Variants in SDK1 observed in about 807,000 individuals in gnomAD.
SDK1 encodes protein sidekick-1.
A neutral mutation model predicts 245.5 loss-of-function variants in SDK1; 157 were observed. The observed-to-expected ratio is 0.64, with a 90% CI of 0.56 to 0.73. The LOEUF (loss-of-function observed/expected upper bound fraction) is 0.73, where lower values mean the gene tolerates loss of function less well. Ranked by LOEUF, SDK1 falls within the 30% of genes least tolerant of loss-of-function variation. The probability of loss-of-function intolerance (pLI) is 0.00; values close to 1 mark genes in which losing one functional copy is unlikely to be tolerated. For synonymous variants in SDK1, 1,647 were observed against 1,278.5 expected (o/e 1.29, Z -6.15); for missense variants, 3,583 against 3,002.3 (o/e 1.19, Z -4.52).
intron 4 of SDK1, among the ~76,000 whole-genome samples, chr7:3,773,064 A>C (rs980047145): frequency 6.6e-6 from 1 of 152,174 alleles, no homozygotes; most frequent in Non-Finnish European, 1.5e-5. Flanking sequence ...AACTTCTTAG[A>C]TGTTTGTATT....
chr7:3,621,623 G>A (rs1781941570), intron 2 of SDK1, among the ~76,000 whole-genome samples: 1 of 152,148 alleles, frequency 6.6e-6, no homozygotes, highest in Admixed American at 6.5e-5. Flanking sequence ...CCCAAGAACA[G>A]GCCTTTGTGT....
intron 1 of SDK1, among the ~76,000 whole-genome samples, chr7:3,607,347 A>G (rs772363832): frequency 3.9e-5 from 6 of 152,134 alleles, no homozygotes; most frequent in Non-Finnish European, 7.4e-5. Flanking sequence ...CTATCTCTCA[A>G]CCACATATGA....
intron 14 of SDK1, among the ~76,000 whole-genome samples, chr7:4,003,661 A>T (rs1450959836): frequency 2.6e-5 from 4 of 152,216 alleles, no homozygotes; most frequent in Non-Finnish European, 5.9e-5. Flanking sequence ...AACCCTGTCA[A>T]CGTGACTCAT....
At chr7:4,215,507 G>C (rs995752409) in intron 38 of SDK1, among the ~76,000 whole-genome samples, 2 of 152,200 alleles carry the variant, frequency 1.3e-5, no homozygotes, top group African/African-American at 4.8e-5. Context: ...ACACACCTGG[G>C]CTGGCCTGTG....
intron 1 of SDK1, among the ~76,000 whole-genome samples, chr7:3,601,231 A>G (rs1253161185): frequency 2.6e-5 from 4 of 152,202 alleles, no homozygotes; most frequent in African/African-American, 9.6e-5. Context: ...ATAGTCTTCA[A>G]GAAATGAATT....
At chr7:4,157,983 G>A (rs1432189803) in intron 30 of SDK1, among the ~76,000 whole-genome samples, 1 of 152,128 alleles carries the variant, frequency 6.6e-6, no homozygotes, top group Non-Finnish European at 1.5e-5. Context: ...TTTATACTTC[G>A]GATCAGCACA....
intron 4 of SDK1, among the ~76,000 whole-genome samples, chr7:3,809,625 G>T (rs905005609): frequency 3.3e-5 from 5 of 152,198 alleles, no homozygotes; most frequent in African/African-American, 9.7e-5. Context: ...TCAAAAAGCA[G>T]TTCACTCTGC....
At chr7:3,988,140 T>G (rs1025038694) in intron 14 of SDK1, among the ~76,000 whole-genome samples, 6 of 144,592 alleles carry the variant, frequency 4.1e-5, no homozygotes, top group Non-Finnish European at 7.6e-5. Context: ...ATGTTTTTTT[T>G]TTTTTTTTTT....
intron 1 of SDK1, among the ~76,000 whole-genome samples, chr7:3,403,502 C>A (rs1170432247): frequency 6.6e-6 from 1 of 151,642 alleles, no homozygotes; most frequent in Non-Finnish European, 1.5e-5. Flanking sequence ...TCTTTTTGTT[C>A]TAACCGAAAG....
At chr7:4,102,890 T>C (rs962025600) in intron 22 of SDK1, among the ~76,000 whole-genome samples, 8 of 146,676 alleles carry the variant, frequency 5.5e-5, no homozygotes, top group African/African-American at 2.0e-4. Flanking sequence ...GCATTTGAAA[T>C]AGATGCCATT....
At chr7:4,237,927 T>G (rs1786281868) in intron 42 of SDK1, 143 bp downstream of exon 42, 2 of 1,028,388 alleles carry the variant, frequency 1.9e-6, no homozygotes, top group Non-Finnish European at 2.8e-6. Flanking sequence ...CAATAGGTTT[T>G]CTTTCTGGGG....
At chr7:4,038,007 C>T (rs1788341576) in intron 17 of SDK1, among the ~76,000 whole-genome samples, 1 of 152,170 alleles carries the variant, frequency 6.6e-6, no homozygotes, top group Non-Finnish European at 1.5e-5. Flanking sequence ...CCACCCAGGT[C>T]GGTTCTTCAG....
rs137910371 is a variant in SDK1, at chr7:3,398,941, G to T, written c.298+97057G>T. On this transcript the variant is annotated intron_variant, in intron 1 of 44. Coordinates refer to ENST00000404826, the MANE Select transcript of SDK1 (RefSeq NM_152744.4). The stretch of plus-strand genomic sequence containing the variant: ...TTTGCCCTGAGACCTCAGTTCTCTG[G>T]TGTATCTAAGAATTGTCCATGTTCA... Among the ~76,000 whole-genome samples, 228 of 152,018 alleles carry T rather than the reference G, an allele frequency of 1.5e-3. 5 individuals carry two copies. The South Asian group carries it at 0.037, about 25-fold the overall frequency.
intron 5 of SDK1, among the ~76,000 whole-genome samples, chr7:3,869,623 C>T (rs1474225877): frequency 2.6e-5 from 4 of 152,294 alleles, no homozygotes; most frequent in African/African-American, 7.2e-5. Context: ...GCTCAGCACT[C>T]GGCTTCCACA....
At chr7:3,549,477 A>G (rs1456738817) in intron 1 of SDK1, among the ~76,000 whole-genome samples, 1 of 152,228 alleles carries the variant, frequency 6.6e-6, no homozygotes, top group African/African-American at 2.4e-5. Context: ...AGGAAAATAA[A>G]AGTAAGTTCT....
At chr7:3,803,835 G>T (rs1359207817) in intron 4 of SDK1, among the ~76,000 whole-genome samples, 3 of 147,952 alleles carry the variant, frequency 2.0e-5, no homozygotes, top group African/African-American at 7.5e-5. Context: ...CATGATCTCA[G>T]CTCACTGCAA....
At chr7:3,329,624 G>A (rs1271718503) in intron 1 of SDK1, among the ~76,000 whole-genome samples, 4 of 152,014 alleles carry the variant, frequency 2.6e-5, no homozygotes, top group Non-Finnish European at 1.5e-5. Flanking sequence ...AGAATCATCC[G>A]GGATGTCATT....
intron 4 of SDK1, among the ~76,000 whole-genome samples, chr7:3,725,398 C>T (rs1778978663): frequency 6.6e-6 from 1 of 152,170 alleles, no homozygotes; most frequent in Non-Finnish European, 1.5e-5. Context: ...GTTAAGTAAT[C>T]CTCTGGCTGT....
intron 19 of SDK1, among the ~76,000 whole-genome samples, chr7:4,056,888 C>T (rs1039301219): frequency 3.3e-5 from 5 of 152,150 alleles, no homozygotes; most frequent in Non-Finnish European, 4.4e-5. Context: ...CCCCGGCTCC[C>T]GACAGCCTCT....
Sources: gnomAD v4.1 joint callset for allele counts (sites outside exome capture counted in the v4.1 genomes callset) on GRCh38, gnomAD v4.1.1 for gene constraint, MANE v1.5 for transcripts, NCBI Gene and HGNC (gene_info 2026-07-23, HGNC 2026-07-21) for gene names.